Variants in KCNT2 observed in about 807,000 individuals in gnomAD.
KCNT2 encodes the protein potassium channel subfamily T member 2.
In KCNT2, 67 loss-of-function variants were observed where a neutral mutation model predicts 153.8. The ratio of observed to expected loss-of-function variants is 0.44; its 90% CI spans 0.36 to 0.53. KCNT2 has a LOEUF of 0.53. KCNT2 is among the 20% of genes least tolerant of loss of function. The probability of loss-of-function intolerance (pLI) is 0.00; values close to 1 mark genes in which losing one functional copy is unlikely to be tolerated. For missense variants in KCNT2, 975 were observed against 1,354.8 expected (o/e 0.72, Z 4.40); for synonymous variants, 500 against 458.8 (o/e 1.09, Z -1.15).
intron 8 of KCNT2, among the ~76,000 whole-genome samples, chr1:196,433,520 T>C (rs1470881839): frequency 6.6e-6 from 1 of 152,086 alleles, no homozygotes; most frequent in Non-Finnish European, 1.5e-5. Flanking sequence ...TATATCTCTT[T>C]ATGTATATAA....
rs558292165 is a variant in KCNT2 at position 196,574,077 on chromosome 1, TA to T, written c.95+34137del. On this transcript the variant is annotated intron_variant, in intron 1 of 27. Coordinates refer to ENST00000294725, the MANE Select transcript of KCNT2 (RefSeq NM_198503.5). ...GTCTGAATCTCAACTTCATCATAGT[TA>T]CATGGTCTTAATTAAATCATTTACT... is the stretch of plus-strand genomic sequence containing the variant. Among the ~76,000 whole-genome samples, 146 of 152,102 alleles carry T rather than the reference TA, an allele frequency of 9.6e-4. 1 individual carries two copies. Among genetic ancestry groups the T allele is most frequent in the Middle Eastern group, 3.4e-3 (1 of 294 alleles).
At chr1:196,342,392 T>G in intron 14 of KCNT2, 164 bp from the exon 15 acceptor site, 1 of 333,652 alleles carries the variant, frequency 3.0e-6, no homozygotes, top group East Asian at 4.8e-5. Context: ...TGACATTATA[T>G]GCAAGAGTTT....
intron 1 of KCNT2, among the ~76,000 whole-genome samples, chr1:196,590,683 T>G (rs1222948960): frequency 1.3e-5 from 2 of 152,164 alleles, no homozygotes; most frequent in Non-Finnish European, 2.9e-5. Flanking sequence ...ACTTTAAAAT[T>G]TTAAGTAAAA....
rs535876067 is a variant in KCNT2, at chr1:196,399,307, T to C, written c.1186-636A>G. 7.9e-5 allele frequency among the ~76,000 whole-genome samples: 12 copies of C among 151,866 alleles called. 1 individual carries two copies. The South Asian group carries it at 2.5e-3, about 31-fold the overall frequency. On this transcript the variant is annotated intron_variant, in intron 12 of 27. Coordinates refer to ENST00000294725, the MANE Select transcript of KCNT2 (RefSeq NM_198503.5). Reference sequence around the variant, plus strand: ...GAAAAAATCAAGGAAGATTATTAGATAAATGAACCACACAGTTAGCTAATA... The same window carrying C: ...GAAAAAATCAAGGAAGATTATTAGACAAATGAACCACACAGTTAGCTAATA...
chr1:196,588,846 C>A (rs1035008579), intron 1 of KCNT2, among the ~76,000 whole-genome samples: 2 of 151,752 alleles, frequency 1.3e-5, no homozygotes, highest in African/African-American at 2.4e-5. Context: ...CATTAAACAC[C>A]ATGAAATATA....
At chr1:196,371,871 T>C (rs563223861) in intron 14 of KCNT2, among the ~76,000 whole-genome samples, 2 of 152,246 alleles carry the variant, frequency 1.3e-5, no homozygotes, top group African/African-American at 4.8e-5. Flanking sequence ...TTATCACTCA[T>C]GTATACAACA....
At chr1:196,372,542 T>G (rs1486098224) in intron 14 of KCNT2, among the ~76,000 whole-genome samples, 2 of 151,938 alleles carry the variant, frequency 1.3e-5, no homozygotes, top group African/African-American at 4.8e-5. Context: ...AACTTCTGTA[T>G]TTCATAAAAC....
chr1:196,367,866 A>G (rs1668175538), intron 14 of KCNT2, among the ~76,000 whole-genome samples: 1 of 152,178 alleles, frequency 6.6e-6, no homozygotes, highest in South Asian at 2.1e-4. Flanking sequence ...GGAAAGCCTT[A>G]AATATAGCCT....
At chr1:196,340,624 C>T (rs1201643672) in intron 15 of KCNT2, 54 bp from the exon 16 acceptor site, 1 of 1,073,488 alleles carries the variant, frequency 9.3e-7, no homozygotes, top group Non-Finnish European at 1.3e-6. Flanking sequence ...TATTGTAAGG[C>T]TGAGGAAAAT....
At chr1:196,467,243 T>G (rs780197257) in intron 7 of KCNT2, among the ~76,000 whole-genome samples, 1 of 152,044 alleles carries the variant, frequency 6.6e-6, no homozygotes, top group African/African-American at 2.4e-5. Flanking sequence ...CAAAAACCAA[T>G]AAGGTTTTTA....
chr1:196,436,548 T>C (rs1674674125), intron 8 of KCNT2, among the ~76,000 whole-genome samples: 1 of 151,486 alleles, frequency 6.6e-6, no homozygotes, highest in Non-Finnish European at 1.5e-5. Context: ...TAAAACATGC[T>C]ACGTAAAGAT....
intron 17 of KCNT2, among the ~76,000 whole-genome samples, chr1:196,332,243 C>A (rs562016667): frequency 6.6e-6 from 1 of 152,172 alleles, no homozygotes; most frequent in African/African-American, 2.4e-5. Context: ...TACAATTACT[C>A]AACATCTCTT....
intron 14 of KCNT2, among the ~76,000 whole-genome samples, chr1:196,352,588 TTCTC>T (rs1320878407): frequency 6.6e-6 from 1 of 152,176 alleles, no homozygotes; most frequent in Non-Finnish European, 1.5e-5. Context: ...TATTTGATTC[TTCTC>T]TCTTTTTTTC....
intron 16 of KCNT2, 37 bp downstream of exon 16, chr1:196,340,304 A>G (rs369197884): frequency 1.2e-4 from 141 of 1,172,390 alleles, no homozygotes; most frequent in Non-Finnish European, 1.4e-4. Context: ...TTATTTTAGA[A>G]ATAAATTAAT....
intron 22 of KCNT2, among the ~76,000 whole-genome samples, chr1:196,289,408 C>G (rs1425813440): frequency 6.6e-6 from 1 of 152,010 alleles, no homozygotes; most frequent in African/African-American, 2.4e-5. Flanking sequence ...GGGCAGAGAC[C>G]ATGATTTTGC....
chr1:196,278,122 C>G (rs1356111045), intron 25 of KCNT2, among the ~76,000 whole-genome samples: 1 of 152,052 alleles, frequency 6.6e-6, no homozygotes, highest in Admixed American at 6.6e-5. Context: ...TGAATTTTAT[C>G]CTTTCATGTA....
intron 22 of KCNT2, among the ~76,000 whole-genome samples, chr1:196,293,413 T>C (rs1302542505): frequency 6.6e-6 from 1 of 152,160 alleles, no homozygotes. Context: ...TACAAAGCTA[T>C]AGTAATCTAG....
chr1:196,383,409 G>A (rs137912428), intron 13 of KCNT2, among the ~76,000 whole-genome samples: 120 of 152,202 alleles, frequency 7.9e-4, no homozygotes, highest in Admixed American at 7.0e-3. Flanking sequence ...TTTCTAAAAT[G>A]CTGCTCTCAA....
At chr1:196,429,414 T>C (rs964955224) in intron 9 of KCNT2, among the ~76,000 whole-genome samples, 163 bp downstream of exon 9, 1 of 152,084 alleles carries the variant, frequency 6.6e-6, no homozygotes, top group African/African-American at 2.4e-5. Flanking sequence ...AAATGTAAAA[T>C]GACATTTCTG....
Sources: allele counts gnomAD v4.1 joint callset (sites outside exome capture counted in the v4.1 genomes callset), GRCh38; gene constraint gnomAD v4.1.1; transcripts MANE v1.5; gene names NCBI Gene and HGNC (gene_info 2026-07-23, HGNC 2026-07-21).